Variants in FAM174A observed in about 807,000 individuals in gnomAD.
FAM174A encodes the protein membrane protein FAM174A.
Under a neutral mutation model 14.3 loss-of-function variants are expected in FAM174A, and 14 were observed. The ratio of observed to expected loss-of-function variants is 0.98; its 90% CI spans 0.65 to 1.53. FAM174A has a LOEUF of 1.53. FAM174A is among the 40% of genes most tolerant of loss of function. The pLI, the probability that FAM174A is intolerant of heterozygous loss-of-function variation, is 0.00. For missense variants in FAM174A, 241 were observed against 249.6 expected (o/e 0.97, Z 0.23); for synonymous variants, 108 against 111.4 (o/e 0.97, Z 0.19).
chr5:100,535,770 G>T lies in FAM174A; in HGVS notation c.240G>T (p.Glu80Asp). 6.2e-7 allele frequency: 1 copy of T among 1,605,764 alleles called. No individual in the cohort carries two copies. Among genetic ancestry groups the T allele is most frequent in the Non-Finnish European group, 8.5e-7 (1 of 1,178,484 alleles). Residue 80 changes from glutamate to aspartate, a missense_variant, in exon 1 of 3, where the codon GAG (glutamate) becomes GAT (aspartate). Transcript: ENST00000312637. ...LAEAAGPRGS[E>D]GGNGSNPVAG... ...AAGCTGCGGGGCCGCGGGGCTCCGA[G>T]GGAGGCAATGGCAGCAACCCTGTGG...
chr5:100,568,523 C>T (rs1295437853), intron 2 of FAM174A, among the ~76,000 whole-genome samples: 1 of 151,516 alleles, frequency 6.6e-6, no homozygotes, highest in Non-Finnish European at 1.5e-5. Context: ...TATATGTGTA[C>T]TTTAGATATT....
chr5:100,581,408 G>A, intron 2 of FAM174A: 1 of 984,014 alleles, frequency 1.0e-6, no homozygotes, highest in Non-Finnish European at 1.2e-6. Flanking sequence ...TCACTGAGTA[G>A]GTGGCAATTG....
At chr5:100,536,718 T>G (rs1468773886) in intron 1 of FAM174A, among the ~76,000 whole-genome samples, 1 of 152,228 alleles carries the variant, frequency 6.6e-6, no homozygotes, top group Non-Finnish European at 1.5e-5. Flanking sequence ...GGTTTGCAGC[T>G]TATGTTTGTT....
intron 2 of FAM174A, among the ~76,000 whole-genome samples, chr5:100,572,102 T>C (rs1162530545): frequency 6.6e-6 from 1 of 152,070 alleles, no homozygotes; most frequent in Non-Finnish European, 1.5e-5. Context: ...CTTTAAAATA[T>C]TATCTATATG....
chr5:100,548,923 A>T (rs1439914763), intron 1 of FAM174A, among the ~76,000 whole-genome samples: 1 of 147,574 alleles, frequency 6.8e-6, no homozygotes, highest in Non-Finnish European at 1.5e-5. Flanking sequence ...TAATTTTCTC[A>T]CTTATGAAAT....
At chr5:100,571,276 T>C (rs1746773832) in intron 2 of FAM174A, among the ~76,000 whole-genome samples, 1 of 151,768 alleles carries the variant, frequency 6.6e-6, no homozygotes, top group Non-Finnish European at 1.5e-5. Flanking sequence ...TTAAAAAATC[T>C]GTGTAACACT....
chr5:100,539,162 T>C (rs1167760589), intron 1 of FAM174A, among the ~76,000 whole-genome samples: 2 of 152,126 alleles, frequency 1.3e-5, no homozygotes, highest in African/African-American at 4.8e-5. Context: ...ATAGTGGAGA[T>C]GAGCATGAAA....
chr5:100,552,718 A>G (rs1188887514), intron 1 of FAM174A, among the ~76,000 whole-genome samples: 2 of 152,146 alleles, frequency 1.3e-5, no homozygotes, highest in Non-Finnish European at 2.9e-5. Context: ...TCTAACTTAT[A>G]TACATGTTAT....
Position 100,585,479 on chromosome 5 carries a change from T to C in FAM174A, c.570-702T>C, listed in dbSNP as rs191457109. On this transcript the variant is annotated intron_variant, in intron 2 of 2. Coordinates refer to ENST00000312637, the MANE Select transcript of FAM174A (RefSeq NM_198507.3). Reference sequence around the variant, plus strand: ...CCCAGGCTGGAATACGGTGGCACAATCTCTGCTAACTGCAGCCTCCGCCTC... The same window carrying C: ...CCCAGGCTGGAATACGGTGGCACAACCTCTGCTAACTGCAGCCTCCGCCTC... Among the ~76,000 whole-genome samples the C allele has an allele frequency of 6.6e-5, 10 of 152,308 alleles. No homozygotes were observed. In the East Asian group the frequency reaches 1.7e-3, roughly 26 times the overall value.
intron 2 of FAM174A, among the ~76,000 whole-genome samples, chr5:100,572,153 G>A (rs1018124540): frequency 7.9e-5 from 12 of 151,316 alleles, no homozygotes; most frequent in African/African-American, 2.7e-4. Flanking sequence ...CCTGCTTAAG[G>A]AAGTTATATT....
chr5:100,556,977 A>G (rs1746401948), intron 1 of FAM174A, among the ~76,000 whole-genome samples: 1 of 152,122 alleles, frequency 6.6e-6, no homozygotes, highest in Admixed American at 6.6e-5. Flanking sequence ...TTCCAACACT[A>G]TGTTGAATAG....
In FAM174A at chr5:100,535,418, C is replaced by T; in HGVS notation, c.-113C>T. The T allele has an allele frequency of 2.5e-6, 3 of 1,176,838 alleles. No individual in the cohort carries two copies. Among genetic ancestry groups the T allele is most frequent in the Non-Finnish European group, 3.6e-6 (3 of 824,380 alleles). 72.9% of individuals were successfully genotyped at this position (1,176,838 alleles called of 1,614,324 possible). On this transcript the variant is annotated 5_prime_UTR_variant, in exon 1 of 3. Coordinates refer to ENST00000312637, the MANE Select transcript of FAM174A (RefSeq NM_198507.3). ...TCTGCCACCTGCCACGACCGGGCCTCTCCCTGGCGTTTGGTCACCTCTGCT... is the reference window on the plus strand; with the variant it reads ...TCTGCCACCTGCCACGACCGGGCCTTTCCCTGGCGTTTGGTCACCTCTGCT...
chr5:100,541,226 T>C (rs887560840), intron 1 of FAM174A, among the ~76,000 whole-genome samples: 13 of 152,250 alleles, frequency 8.5e-5, no homozygotes, highest in African/African-American at 3.1e-4. Flanking sequence ...AGTGAAGGAG[T>C]ACCACTGCTT....
intron 2 of FAM174A, among the ~76,000 whole-genome samples, chr5:100,571,514 CT>C: frequency 6.7e-6 from 1 of 150,032 alleles, no homozygotes; most frequent in East Asian, 1.9e-4. Flanking sequence ...CACATAACTG[CT>C]TTTCCTTGTG....
intron 1 of FAM174A, among the ~76,000 whole-genome samples, chr5:100,554,947 C>T (rs138000396): frequency 0.019 from 2,859 of 151,680 alleles, 77 homozygotes; most frequent in African/African-American, 0.064. Flanking sequence ...TTTAATTATA[C>T]TTTAAGTTTT....
At chr5:100,572,294 A>G (rs1746801329) in intron 2 of FAM174A, among the ~76,000 whole-genome samples, 1 of 142,872 alleles carries the variant, frequency 7.0e-6, no homozygotes, top group Non-Finnish European at 1.5e-5. Flanking sequence ...GTACATGTGC[A>G]CATTGTGCAG....
chr5:100,537,171 G>A (rs778668662), intron 1 of FAM174A, among the ~76,000 whole-genome samples: 1 of 152,112 alleles, frequency 6.6e-6, no homozygotes, highest in Admixed American at 6.5e-5. Context: ...GTTTATATCT[G>A]TGCGAAGATG....
At chr5:100,572,935 A>G (rs1746821297) in intron 2 of FAM174A, among the ~76,000 whole-genome samples, 1 of 152,086 alleles carries the variant, frequency 6.6e-6, no homozygotes, top group Non-Finnish European at 1.5e-5. Context: ...CTTTTGAATG[A>G]TTGCCATTCT....
intron 1 of FAM174A, among the ~76,000 whole-genome samples, chr5:100,561,006 T>C (rs892905645): frequency 5.3e-5 from 8 of 152,048 alleles, no homozygotes; most frequent in African/African-American, 1.9e-4. Context: ...TGCTAGGAAG[T>C]GGTTATGTAG....
Sources: allele counts gnomAD v4.1 joint callset (sites outside exome capture counted in the v4.1 genomes callset), GRCh38; gene constraint gnomAD v4.1.1; transcripts MANE v1.5; gene names NCBI Gene and HGNC (gene_info 2026-07-23, HGNC 2026-07-21).